TMEM132D: variants seen among roughly 807,000 people sequenced by gnomAD.
TMEM132D encodes the protein transmembrane protein 132D.
In TMEM132D, 21 loss-of-function variants were observed where a neutral mutation model predicts 62.3. The ratio of observed to expected loss-of-function variants is 0.34; its 90% CI spans 0.24 to 0.49. The LOEUF (loss-of-function observed/expected upper bound fraction) is 0.49. TMEM132D is among the 20% of genes least tolerant of loss of function. TMEM132D has a pLI of 0.99. For missense variants in TMEM132D, 1,346 were observed against 1,402.8 expected (o/e 0.96, Z 0.65); for synonymous variants, 621 against 575.6 (o/e 1.08, Z -1.13).
Position 129,269,413 on chromosome 12 carries a change from T to C in TMEM132D, c.1300-59750A>G, listed in dbSNP as rs536809668. Among the ~76,000 whole-genome samples, 14 of 152,162 alleles carry C rather than the reference T, an allele frequency of 9.2e-5. No individual in the cohort carries two copies. In the South Asian group the frequency reaches 2.7e-3, roughly 29 times the overall value. On this transcript the variant is annotated intron_variant, in intron 4 of 8. Transcript: ENST00000422113. Reference sequence around the variant, plus strand: ...CTCCTTTCCCTTCCCCTTCCCTTCCTTCTTCCTTCCTTCCATCTCCCCTGT... The same window carrying C: ...CTCCTTTCCCTTCCCCTTCCCTTCCCTCTTCCTTCCTTCCATCTCCCCTGT...
At chr12:129,661,859 G>A (rs556400913) in intron 2 of TMEM132D, among the ~76,000 whole-genome samples, 1 of 152,152 alleles carries the variant, frequency 6.6e-6, no homozygotes. Flanking sequence ...TACTGTCTAG[G>A]TGTGTTGTAT....
At chr12:129,790,664 A>G (rs1871378344) in intron 1 of TMEM132D, among the ~76,000 whole-genome samples, 1 of 152,120 alleles carries the variant, frequency 6.6e-6, no homozygotes, top group South Asian at 2.1e-4. Context: ...GGAAAAGGCA[A>G]CATTTGAGCA....
At chr12:129,353,686 C>T (rs1331851326) in intron 3 of TMEM132D, among the ~76,000 whole-genome samples, 1 of 152,114 alleles carries the variant, frequency 6.6e-6, no homozygotes, top group Non-Finnish European at 1.5e-5. Context: ...ATGGGACCTG[C>T]CTGTAGTTTA....
intron 8 of TMEM132D, 127 bp downstream of exon 8, chr12:129,078,407 T>C (rs775080652): frequency 1.8e-4 from 166 of 902,598 alleles, no homozygotes; most frequent in Middle Eastern, 7.1e-4. Context: ...CCTTTGCAGA[T>C]GGAGAAACAA....
chr12:129,653,240 G>C (rs552641156), intron 2 of TMEM132D, among the ~76,000 whole-genome samples: 1 of 152,210 alleles, frequency 6.6e-6, no homozygotes, highest in Admixed American at 6.5e-5. Flanking sequence ...GGAGGAGAAC[G>C]GCTCAAATGA....
chr12:129,876,061 C>T (rs1874407723), intron 1 of TMEM132D, among the ~76,000 whole-genome samples: 1 of 152,140 alleles, frequency 6.6e-6, no homozygotes. Flanking sequence ...ATTCGACAGA[C>T]CTAAAACATG....
chr12:129,899,482 G>A (rs1593204090), intron 1 of TMEM132D, among the ~76,000 whole-genome samples: 1 of 151,306 alleles, frequency 6.6e-6, no homozygotes, highest in East Asian at 2.0e-4. Context: ...TGGATGGATG[G>A]GTAGATGATG....
chr12:129,422,209 C>CA (rs1269181613), intron 3 of TMEM132D, among the ~76,000 whole-genome samples: 6 of 151,118 alleles, frequency 4.0e-5, no homozygotes, highest in African/African-American at 1.2e-4. Context: ...AAGCAAGAGA[C>CA]AAAAAAAGAA....
At chr12:129,499,401 A>C (rs1198945502) in intron 3 of TMEM132D, among the ~76,000 whole-genome samples, 1 of 152,242 alleles carries the variant, frequency 6.6e-6, no homozygotes, top group South Asian at 2.1e-4. Flanking sequence ...AAGGAAAGCC[A>C]TGAATATGAG....
At chr12:129,136,729 C>T (rs1329666476) in intron 5 of TMEM132D, among the ~76,000 whole-genome samples, 2 of 151,290 alleles carry the variant, frequency 1.3e-5, no homozygotes, top group African/African-American at 4.9e-5. Context: ...CCCATCACCA[C>T]CACCATTACC....
intron 1 of TMEM132D, among the ~76,000 whole-genome samples, chr12:129,712,897 G>C (rs1347175500): frequency 1.3e-5 from 2 of 152,114 alleles, no homozygotes; most frequent in African/African-American, 4.8e-5. Context: ...GAGAAAAGAA[G>C]AGTGATAAGA....
chr12:129,794,508 T>C (rs1871503604), intron 1 of TMEM132D, among the ~76,000 whole-genome samples: 1 of 152,186 alleles, frequency 6.6e-6, no homozygotes, highest in African/African-American at 2.4e-5. Context: ...AACTTTAGAA[T>C]CATTTTGTTA....
At chr12:129,870,095 C>A (rs2137376252) in intron 1 of TMEM132D, among the ~76,000 whole-genome samples, 1 of 152,254 alleles carries the variant, frequency 6.6e-6, no homozygotes, top group African/African-American at 2.4e-5. Context: ...CTCAAGCAAT[C>A]CTTCAGCCTC....
At position 129,524,920 on chromosome 12, in the gene TMEM132D, C is replaced by CTTTTTTTTTTTTTTTTTTTTTTT. The variant is rs761892015; in HGVS notation, c.1115+6138_1115+6139insAAAAAAAAAAAAAAAAAAAAAAA. Among the ~76,000 whole-genome samples, 4 of 92,170 alleles carry CTTTTTTTTTTTTTTTTTTTTTTT rather than the reference C, an allele frequency of 4.3e-5. 1 individual carries two copies. The highest frequency in any genetic ancestry group is 4.4e-5 in the African/African-American group (1 of 22,488). The allele number at this position is 92,170 out of a possible 152,430, so 60.5% of individuals were successfully genotyped here. A position where few individuals can be genotyped will look rare whatever the true frequency, so the allele number is the denominator to read the frequency against. On this transcript the variant is annotated intron_variant, in intron 3 of 8. Transcript: ENST00000422113. ...CATTTTATTATTTTCATATTTTTTTCTTTTTTCTTTTTTTTTTTTTTTTTG... is the reference window on the plus strand; with the variant it reads ...CATTTTATTATTTTCATATTTTTTTCTTTTTTTTTTTTTTTTTTTTTTTTTTTTTCTTTTTTTTTTTTTTTTTG...
intron 3 of TMEM132D, among the ~76,000 whole-genome samples, chr12:129,417,321 A>G (rs912181652): frequency 1.3e-5 from 2 of 152,214 alleles, no homozygotes; most frequent in African/African-American, 4.8e-5. Context: ...TGCAGTAACC[A>G]AAACAGGATG....
chr12:129,281,010 T>C lies in TMEM132D; in HGVS notation c.1299+56624A>G, dbSNP rs564514976. On this transcript the variant is annotated intron_variant, in intron 4 of 8. Transcript: ENST00000422113. ...CTTAAAATGTGGTCCATCTATACTC[T>C]TTACTCCTTTCTCTGGTGAATATGA... 7.9e-5 allele frequency among the ~76,000 whole-genome samples: 12 copies of C among 152,250 alleles called. 1 individual carries two copies. Among genetic ancestry groups the C allele is most frequent in the African/African-American group, 2.6e-4 (11 of 41,532 alleles).
intron 4 of TMEM132D, among the ~76,000 whole-genome samples, chr12:129,270,789 C>T (rs766025474): frequency 1.6e-4 from 25 of 152,208 alleles, no homozygotes; most frequent in Non-Finnish European, 2.5e-4. Flanking sequence ...GGCTGTGGTG[C>T]TTTCAAATCA....
At chr12:129,283,188 T>A (rs1446610452) in intron 4 of TMEM132D, among the ~76,000 whole-genome samples, 1 of 152,184 alleles carries the variant, frequency 6.6e-6, no homozygotes, top group East Asian at 1.9e-4. Flanking sequence ...AACTAGGCAT[T>A]GTTCTTGGCT....
chr12:129,435,991 G>T (rs991460742), intron 3 of TMEM132D, among the ~76,000 whole-genome samples: 12 of 152,140 alleles, frequency 7.9e-5, no homozygotes, highest in African/African-American at 2.4e-4. Context: ...CACACTGGAT[G>T]GATTTTAGGA....
Sources: allele counts gnomAD v4.1 joint callset (sites outside exome capture counted in the v4.1 genomes callset), GRCh38; gene constraint gnomAD v4.1.1; transcripts MANE v1.5; gene names NCBI Gene and HGNC (gene_info 2026-07-23, HGNC 2026-07-21).